Variants in SMIM14 observed in about 807,000 individuals in gnomAD.
The protein encoded by SMIM14 is small integral membrane protein 14, also known as chromosome 4 open reading frame 34.
SMIM14 carries 5 observed loss-of-function variants against 12.6 expected under a neutral mutation model. That is an observed-to-expected ratio of 0.40 (90% CI 0.21 to 0.83). The LOEUF is 0.83. SMIM14 is among the 40% of genes least tolerant of loss of function. SMIM14 has a pLI of 0.37. For missense variants in SMIM14, 86 were observed against 119.1 expected, an observed-to-expected ratio of 0.72 and a Z score of 1.29; for synonymous variants, 30 against 40.1, an observed-to-expected ratio of 0.75 and a Z score of 0.95.
intron 2 of SMIM14, chr4:39,583,870 A>G (rs1478215954): frequency 6.6e-6 from 1 of 152,068 alleles, no homozygotes; most frequent in African/African-American, 2.4e-5. Flanking sequence ...TAATTTCATC[A>G]TTTCCAAATT....
intron 2 of SMIM14, among the ~76,000 whole-genome samples, chr4:39,586,790 ACAAATACTATGG>A (rs1399913438): frequency 6.6e-6 from 1 of 152,078 alleles, no homozygotes; most frequent in Admixed American, 6.6e-5. Flanking sequence ...GGCTGCAATA[ACAAATACTATGG>A]GCCAGGTAGC....
intron 1 of SMIM14, among the ~76,000 whole-genome samples, chr4:39,619,252 C>A (rs1715348690): frequency 7.9e-6 from 1 of 126,358 alleles, no homozygotes; most frequent in South Asian, 2.5e-4. Context: ...ATAATTTATT[C>A]TATATATCAA....
intron 1 of SMIM14, among the ~76,000 whole-genome samples, chr4:39,627,781 G>A (rs2109253780): frequency 6.6e-6 from 1 of 152,238 alleles, no homozygotes; most frequent in Non-Finnish European, 1.5e-5. Flanking sequence ...GTCCTTTCCT[G>A]GCCGCAGTTT....
At chr4:39,615,079 G>A (rs745401351) in intron 1 of SMIM14, among the ~76,000 whole-genome samples, 6 of 151,986 alleles carry the variant, frequency 3.9e-5, no homozygotes, top group East Asian at 1.9e-4. Context: ...TAAAATAGCC[G>A]ATAGAGTCTC....
chr4:39,619,613 AATAAAT>A (rs1469734670), intron 1 of SMIM14, among the ~76,000 whole-genome samples: 2 of 86,616 alleles, frequency 2.3e-5, no homozygotes, highest in Non-Finnish European at 3.8e-5. Context: ...TCTATATATC[AATAAAT>A]ATAATTTATT....
chr4:39,609,001 G>C (rs997748926), intron 1 of SMIM14, among the ~76,000 whole-genome samples: 16 of 152,212 alleles, frequency 1.1e-4, no homozygotes, highest in Admixed American at 1.0e-3. Flanking sequence ...TTTTGAGATG[G>C]AGTCTTGCTC....
rs1712941987 is a variant in SMIM14, at chr4:39,572,401, T to C, written c.124+14A>G. On this transcript the variant is annotated intron_variant, in intron 3 of 4. Transcript: ENST00000295958. ...CCCCAATGCCATCCTTCCTCCTGTC[T>C]CAGTGGTACTTACATTCCTGAAGAC... 6.3e-7 allele frequency: 1 copy of C among 1,574,932 alleles called. No individual in the cohort carries two copies. The highest frequency in any genetic ancestry group is 1.4e-5 in the African/African-American group (1 of 73,174).
At chr4:39,568,294 A>G (rs990770881) in intron 3 of SMIM14, among the ~76,000 whole-genome samples, 4 of 151,964 alleles carry the variant, frequency 2.6e-5, no homozygotes, top group African/African-American at 9.7e-5. Flanking sequence ...AAAAAAAAAG[A>G]ACATATACAT....
rs1163797058 is a variant in SMIM14 at position 39,638,840 on chromosome 4, C to G, written c.-137G>C. The G allele has an allele frequency of 4.1e-6, 4 of 985,890 alleles. No individual in the cohort carries two copies. The South Asian group carries it at 1.9e-4, about 46-fold the overall frequency. 61.1% of individuals were successfully genotyped at this position (985,890 alleles called of 1,614,324 possible). A position where few individuals can be genotyped will look rare whatever the true frequency, so the allele number is the denominator to read the frequency against. On this transcript the variant is annotated 5_prime_UTR_variant, in exon 1 of 5. Transcript: ENST00000295958. ...TCCAGAAGGCTGCGGCTGCTCCGGA[C>G]GCTGCTGCCACTGCCGTTTCTGGCC...
intron 1 of SMIM14, chr4:39,620,994 C>T (rs1056144534): frequency 6.6e-6 from 1 of 152,072 alleles, no homozygotes; most frequent in Non-Finnish European, 1.5e-5. Context: ...TCAATAAATT[C>T]AGTGCTAGGA....
chr4:39,584,334 T>C (rs1713665629), intron 2 of SMIM14, among the ~76,000 whole-genome samples: 1 of 150,730 alleles, frequency 6.6e-6, no homozygotes, highest in Admixed American at 6.7e-5. Flanking sequence ...ATATAAAAAT[T>C]AGCCGGGCAT....
intron 2 of SMIM14, among the ~76,000 whole-genome samples, chr4:39,603,354 T>C (rs1013166277): frequency 2.0e-5 from 3 of 151,816 alleles, no homozygotes; most frequent in Admixed American, 1.3e-4. Context: ...GTCAGGAGAT[T>C]GAGACCATCC....
chr4:39,615,376 T>A (rs1715182555), intron 1 of SMIM14, among the ~76,000 whole-genome samples: 1 of 152,190 alleles, frequency 6.6e-6, no homozygotes, highest in African/African-American at 2.4e-5. Flanking sequence ...AAAAGAACTT[T>A]AAAAAATAAA....
chr4:39,622,162 C>T (rs1456278138), intron 1 of SMIM14, among the ~76,000 whole-genome samples: 1 of 151,654 alleles, frequency 6.6e-6, no homozygotes, highest in Non-Finnish European at 1.5e-5. Flanking sequence ...CGGTTCACTG[C>T]AAGCTCCGCC....
chr4:39,611,609 G>A (rs1260914714), intron 1 of SMIM14, among the ~76,000 whole-genome samples: 2 of 151,966 alleles, frequency 1.3e-5, no homozygotes, highest in Non-Finnish European at 2.9e-5. Flanking sequence ...AGGAGGTGGA[G>A]GTTATAGTGA....
chr4:39,581,445 C>T (rs1338740990), intron 2 of SMIM14, among the ~76,000 whole-genome samples: 1 of 151,926 alleles, frequency 6.6e-6, no homozygotes, highest in East Asian at 1.9e-4. Flanking sequence ...AAAAGACACA[C>T]ACACAGATTT....
intron 1 of SMIM14, among the ~76,000 whole-genome samples, chr4:39,630,206 C>A (rs1271527558): frequency 6.6e-6 from 1 of 152,008 alleles, no homozygotes; most frequent in African/African-American, 2.4e-5. Flanking sequence ...TGAGACCAGC[C>A]TGCCAAGGTG....
intron 1 of SMIM14, among the ~76,000 whole-genome samples, chr4:39,629,310 G>A (rs530744588): frequency 3.0e-4 from 42 of 141,528 alleles, no homozygotes; most frequent in African/African-American, 8.8e-4. Flanking sequence ...GCAGCAAGCC[G>A]AGATCGTGCC....
intron 1 of SMIM14, among the ~76,000 whole-genome samples, chr4:39,624,799 G>C (rs1299952026): frequency 3.9e-5 from 5 of 129,396 alleles, no homozygotes; most frequent in African/African-American, 1.4e-4. Context: ...CTGGACAACA[G>C]AGCAAGACAC....
Sources: allele counts gnomAD v4.1 joint callset (sites outside exome capture counted in the v4.1 genomes callset), GRCh38; gene constraint gnomAD v4.1.1; transcripts MANE v1.5; gene names NCBI Gene and HGNC (gene_info 2026-07-23, HGNC 2026-07-21).